The following FIGN variants were observed in gnomAD, a reference collection of about 807,000 sequenced individuals.
FIGN encodes fidgetin, microtubule severing factor.
In FIGN, 11 loss-of-function variants were observed where a neutral mutation model predicts 51.3. The ratio of observed to expected loss-of-function variants is 0.21; its 90% CI spans 0.13 to 0.35. The LOEUF is 0.35. FIGN is among the 10% of genes least tolerant of loss of function. The pLI, the probability that FIGN is intolerant of heterozygous loss-of-function variation, is 1.00. For missense variants in FIGN, 857 were observed against 943.6 expected, an observed-to-expected ratio of 0.91 and a Z score of 1.20; for synonymous variants, 407 against 363.2, an observed-to-expected ratio of 1.12 and a Z score of -1.37.
intron 2 of FIGN, among the ~76,000 whole-genome samples, chr2:163,717,294 G>T (rs1022093949): frequency 6.6e-6 from 1 of 152,058 alleles, no homozygotes; most frequent in South Asian, 2.1e-4. Context: ...GGGGTGAGTG[G>T]GGCAGAGAAA....
chr2:163,706,603 CTAAAG>C (rs1169998858), intron 2 of FIGN, among the ~76,000 whole-genome samples: 1 of 152,076 alleles, frequency 6.6e-6, no homozygotes. Context: ...TAAAATGAAA[CTAAAG>C]TATACTGATT....
chr2:163,730,253 T>C (rs1459580584), intron 2 of FIGN, among the ~76,000 whole-genome samples: 4 of 152,198 alleles, frequency 2.6e-5, no homozygotes, highest in African/African-American at 9.6e-5. Context: ...ATTTAAATGA[T>C]AACATCAAAA....
chr2:163,631,844 A>G (rs1050627276), intron 2 of FIGN, among the ~76,000 whole-genome samples: 1 of 152,100 alleles, frequency 6.6e-6, no homozygotes, highest in African/African-American at 2.4e-5. Flanking sequence ...TAACACATAC[A>G]TATGTCTAAA....
chr2:163,732,137 T>C (rs1452812777), intron 2 of FIGN, among the ~76,000 whole-genome samples: 1 of 152,210 alleles, frequency 6.6e-6, no homozygotes, highest in Non-Finnish European at 1.5e-5. Context: ...TTTTCAATTT[T>C]AAATAATGCA....
At chr2:163,658,515 G>C (rs1194709022) in intron 2 of FIGN, among the ~76,000 whole-genome samples, 1 of 152,006 alleles carries the variant, frequency 6.6e-6, no homozygotes, top group African/African-American at 2.4e-5. Context: ...TGTACAAGAA[G>C]CATGGCACCA....
intron 2 of FIGN, among the ~76,000 whole-genome samples, chr2:163,639,499 C>G (rs1187789267): frequency 6.6e-6 from 1 of 152,090 alleles, no homozygotes; most frequent in African/African-American, 2.4e-5. Flanking sequence ...AAAATTCAAT[C>G]AGGTACCACA....
rs992711868 is a variant in FIGN, at chr2:163,680,932, A to G, written c.25+53971T>C. Among the ~76,000 whole-genome samples the G allele has an allele frequency of 1.2e-4, 18 of 152,332 alleles. 1 individual carries two copies. The highest frequency in any genetic ancestry group is 7.2e-4 in the Admixed American group (11 of 15,306). ...AGAGAATAAGCTATAATAGTAACATATTATTTGAACATATGGCATGTGCCA... is the reference window on the plus strand; with the variant it reads ...AGAGAATAAGCTATAATAGTAACATGTTATTTGAACATATGGCATGTGCCA... On this transcript the variant is annotated intron_variant, in intron 2 of 2. Coordinates refer to ENST00000333129, the MANE Select transcript of FIGN (RefSeq NM_018086.4).
chr2:163,686,309 A>G (rs1684147693), intron 2 of FIGN, among the ~76,000 whole-genome samples: 1 of 152,204 alleles, frequency 6.6e-6, no homozygotes, highest in Admixed American at 6.5e-5. Context: ...GCCACAAAAC[A>G]GAGGGTGAAG....
chr2:163,668,870 G>A (rs12997560), intron 2 of FIGN, among the ~76,000 whole-genome samples: 2 of 151,988 alleles, frequency 1.3e-5, no homozygotes, highest in African/African-American at 2.4e-5. Context: ...GAACCCGGGA[G>A]GCGGAGCTTG....
intron 2 of FIGN, among the ~76,000 whole-genome samples, chr2:163,710,177 C>T (rs144015828): frequency 5.3e-5 from 8 of 152,188 alleles, no homozygotes; most frequent in Non-Finnish European, 1.0e-4. Context: ...AAAATACCCT[C>T]GATGCAGAAA....
intron 2 of FIGN, among the ~76,000 whole-genome samples, chr2:163,692,271 T>A (rs1684250094): frequency 6.6e-6 from 1 of 152,152 alleles, no homozygotes; most frequent in African/African-American, 2.4e-5. Flanking sequence ...TCTAGAAGCA[T>A]CCAGGAGATT....
chr2:163,663,575 C>G (rs1442814156), intron 2 of FIGN, among the ~76,000 whole-genome samples: 1 of 150,950 alleles, frequency 6.6e-6, no homozygotes, highest in Non-Finnish European at 1.5e-5. Context: ...CTCAGGTGAT[C>G]TGCAGTTATT....
intron 2 of FIGN, among the ~76,000 whole-genome samples, chr2:163,652,138 C>T (rs1376050339): frequency 1.3e-5 from 2 of 152,064 alleles, no homozygotes; most frequent in African/African-American, 2.4e-5. Flanking sequence ...ACACATAGCT[C>T]GGGGTCCTTT....
chr2:163,666,993 T>A (rs1350910847), intron 2 of FIGN, among the ~76,000 whole-genome samples: 1 of 152,044 alleles, frequency 6.6e-6, no homozygotes, highest in South Asian at 2.1e-4. Context: ...GTACAAAATA[T>A]AATCAATGTA....
At chr2:163,698,718 G>A (rs891487121) in intron 2 of FIGN, among the ~76,000 whole-genome samples, 20 of 152,190 alleles carry the variant, frequency 1.3e-4, no homozygotes, top group African/African-American at 4.1e-4. Context: ...TAAGCACAAC[G>A]CAAACTATTC....
At chr2:163,706,394 T>C (rs563195708) in intron 2 of FIGN, among the ~76,000 whole-genome samples, 1 of 152,268 alleles carries the variant, frequency 6.6e-6, no homozygotes, top group African/African-American at 2.4e-5. Flanking sequence ...GGCGGCTTAA[T>C]AGTTTTACTT....
chr2:163,700,847 CA>C (rs1159526268), intron 2 of FIGN, among the ~76,000 whole-genome samples: 1 of 152,116 alleles, frequency 6.6e-6, no homozygotes, highest in Non-Finnish European at 1.5e-5. Flanking sequence ...CAAAACAACA[CA>C]CAGCCATGAT....
At chr2:163,665,622 CA>C (rs998979380) in intron 2 of FIGN, among the ~76,000 whole-genome samples, 1 of 152,036 alleles carries the variant, frequency 6.6e-6, no homozygotes, top group Admixed American at 6.5e-5. Context: ...CCAAAGATGA[CA>C]AAAAAATTGA....
intron 2 of FIGN, among the ~76,000 whole-genome samples, chr2:163,708,733 C>T (rs1017542088): frequency 6.6e-6 from 1 of 151,776 alleles, no homozygotes; most frequent in Non-Finnish European, 1.5e-5. Context: ...CAGGAGTGGA[C>T]GGTGCTGAGG....
Sources: allele counts gnomAD v4.1 joint callset (sites outside exome capture counted in the v4.1 genomes callset), GRCh38; gene constraint gnomAD v4.1.1; transcripts MANE v1.5; gene names NCBI Gene and HGNC (gene_info 2026-07-23, HGNC 2026-07-21).